The following CERKL variants were observed in gnomAD, a reference collection of about 807,000 sequenced individuals.
CERKL encodes ceramide kinase-like protein.
Under a neutral mutation model 63.4 loss-of-function variants are expected in CERKL, and 61 were observed. That is an observed-to-expected ratio of 0.96 (90% CI 0.78 to 1.19). The LOEUF (loss-of-function observed/expected upper bound fraction) is 1.19, where lower values mean the gene tolerates loss of function less well. CERKL is among the 50% of genes most tolerant of loss of function. CERKL has a pLI of 0.00. For synonymous variants in CERKL, 250 were observed against 230.5 expected (o/e 1.08, Z -0.77); for missense variants, 675 against 655.5 (o/e 1.03, Z -0.33).
intron 10 of CERKL, among the ~76,000 whole-genome samples, 160 bp downstream of exon 10, chr2:181,547,458 T>C (rs1687775968): frequency 6.6e-6 from 1 of 152,188 alleles, no homozygotes; most frequent in African/African-American, 2.4e-5. Context: ...AGTTCAACAG[T>C]TGTTCTCAAC....
At chr2:181,607,573 G>A (rs1050550921) in intron 1 of CERKL, among the ~76,000 whole-genome samples, 2 of 152,198 alleles carry the variant, frequency 1.3e-5, no homozygotes, top group African/African-American at 4.8e-5. Flanking sequence ...TATATGCAAA[G>A]GAAACCAAAC....
chr2:181,600,100 A>C (rs1685395062), intron 2 of CERKL, among the ~76,000 whole-genome samples: 1 of 152,206 alleles, frequency 6.6e-6, no homozygotes, highest in South Asian at 2.1e-4. Context: ...ATAATCTGCC[A>C]AATTAAGCTT....
At chr2:181,555,976 C>T (rs1298301082) in intron 5 of CERKL, among the ~76,000 whole-genome samples, 1 of 151,966 alleles carries the variant, frequency 6.6e-6, no homozygotes, top group Non-Finnish European at 1.5e-5. Flanking sequence ...TGGTCTTCAA[C>T]TCCTGACCTC....
At chr2:181,630,949 C>A (rs934202010) in intron 1 of CERKL, among the ~76,000 whole-genome samples, 3 of 152,140 alleles carry the variant, frequency 2.0e-5, no homozygotes, top group African/African-American at 7.2e-5. Context: ...AATGTGGGCA[C>A]TGAAGAATAT....
In CERKL at chr2:181,656,755, GGCCGGGCACTCACCC is replaced by G. The variant is rs746128841; in HGVS notation, c.237_238+13del. The G allele has an allele frequency of 5.7e-6, 9 of 1,581,346 alleles. No individual in the cohort carries two copies. Among genetic ancestry groups the G allele is most frequent in the South Asian group, 4.6e-5 (4 of 87,758 alleles). ...CGCGGAGGGAGGCGAAGACGCTTGG[GGCCGGGCACTCACCC>G]GCCGGGCGCTCGGGCTGAATGGGCC... On this transcript the variant is annotated splice_donor_variant and splice_donor_5th_base_variant and coding_sequence_variant and intron_variant, in exon 1 of 13. Coordinates refer to ENST00000410087, the MANE Select transcript of CERKL (RefSeq NM_201548.5). LOFTEE classifies it high-confidence loss of function.
chr2:181,651,491 A>T (rs1687936061), intron 1 of CERKL, among the ~76,000 whole-genome samples: 1 of 152,230 alleles, frequency 6.6e-6, no homozygotes, highest in African/African-American at 2.4e-5. Context: ...TTAAAAACCC[A>T]ACAAATTAGG....
chr2:181,640,688 A>G (rs1687381822), intron 1 of CERKL, among the ~76,000 whole-genome samples: 1 of 152,170 alleles, frequency 6.6e-6, no homozygotes, highest in Admixed American at 6.5e-5. Context: ...TGCATACCCA[A>G]TTGCTCTGTT....
At position 181,575,247 on chromosome 2, in the gene CERKL, C is replaced by CTCAT. The variant is rs563092075; in HGVS notation, c.482-1367_482-1364dup. On this transcript the variant is annotated intron_variant, in intron 2 of 12. Transcript: ENST00000410087. Reference sequence around the variant, plus strand: ...CTGCACAGTTCAAAGGCGGCTATGGCTCATTGCTGCCTGAAGAGCGAGCCC... The same window carrying CTCAT: ...CTGCACAGTTCAAAGGCGGCTATGGCTCATTCATTGCTGCCTGAAGAGCGAGCCC... 2.8e-4 allele frequency among the ~76,000 whole-genome samples: 42 copies of CTCAT among 152,336 alleles called. No homozygotes were observed. The South Asian group carries it at 3.9e-3, about 14-fold the overall frequency.
intron 1 of CERKL, among the ~76,000 whole-genome samples, chr2:181,632,397 C>T (rs371619660): frequency 2.6e-5 from 4 of 152,238 alleles, no homozygotes; most frequent in South Asian, 2.1e-4. Flanking sequence ...AAGGGAGAAA[C>T]GCAATGTTCC....
chr2:181,543,142 T>A (rs1441105712), intron 11 of CERKL, among the ~76,000 whole-genome samples: 2 of 152,200 alleles, frequency 1.3e-5, no homozygotes, highest in Non-Finnish European at 2.9e-5. Flanking sequence ...TCGGAAAAAA[T>A]TCTACCAAGG....
intron 2 of CERKL, among the ~76,000 whole-genome samples, chr2:181,602,141 G>C (rs1463282655): frequency 1.3e-5 from 2 of 152,146 alleles, no homozygotes; most frequent in East Asian, 3.9e-4. Flanking sequence ...ATTGAGCTTT[G>C]TTGTGATGTC....
Position 181,656,662 on chromosome 2 carries a change from G to A in CERKL, c.238+107C>T, listed in dbSNP as rs893002833. The A allele has an allele frequency of 3.0e-5, 29 of 966,030 alleles. No individual in the cohort carries two copies. In the Admixed American group the frequency reaches 7.0e-4, roughly 23 times the overall value. The allele number at this position is 966,030 out of a possible 1,614,324, so 59.8% of individuals were successfully genotyped here. On this transcript the variant is annotated intron_variant, in intron 1 of 12. Transcript: ENST00000410087. ...CAGTGAGGCGAGCACGGGGAGGGGA[G>A]GCGAGAAAAGGGGAGGGTGGAGCAA...
chr2:181,592,734 A>G (rs1685039854), intron 2 of CERKL, among the ~76,000 whole-genome samples: 1 of 152,138 alleles, frequency 6.6e-6, no homozygotes, highest in Non-Finnish European at 1.5e-5. Flanking sequence ...CAATTTCACA[A>G]CTTTATAGCT....
Position 181,550,381 on chromosome 2 carries a change from C to T in CERKL, c.821-673G>A, listed in dbSNP as rs1348585637. Among the ~76,000 whole-genome samples the T allele has an allele frequency of 2.6e-5, 4 of 152,118 alleles. No individual in the cohort carries two copies. The highest frequency in any genetic ancestry group is 5.9e-5 in the Non-Finnish European group (4 of 68,012). On this transcript the variant is annotated intron_variant, in intron 5 of 12. Coordinates refer to ENST00000410087, the MANE Select transcript of CERKL (RefSeq NM_201548.5). The surrounding 1 kb of genome is among the most constrained non-coding windows in gnomAD (Gnocchi z 4.5). ...ACACACCTGGATTTTCCCCACCAGTCCACAGAGGCAAAGAGCGCCCTAAGT... is the reference window on the plus strand; with the variant it reads ...ACACACCTGGATTTTCCCCACCAGTTCACAGAGGCAAAGAGCGCCCTAAGT...
At chr2:181,605,255 T>C (rs1685630291) in intron 1 of CERKL, among the ~76,000 whole-genome samples, 1 of 152,246 alleles carries the variant, frequency 6.6e-6, no homozygotes, top group South Asian at 2.1e-4. Flanking sequence ...TAAGGAGAAC[T>C]GGGGGTTCAG....
At position 181,537,261 on chromosome 2, in the gene CERKL, C is replaced by CCTACTCAGAACTACTCAG. The variant is rs1302040100; in HGVS notation, c.*905_*922dup. On this transcript the variant is annotated 3_prime_UTR_variant, in exon 13 of 13. Transcript: ENST00000410087. ...TAAGGAAATTTACATTTGGTTCTTT[C>CCTACTCAGAACTACTCAG]CTACTCAGAACTACTCAGAAACAAC... The CCTACTCAGAACTACTCAG allele has an allele frequency of 8.8e-6, 4 of 453,824 alleles. No homozygotes were observed. In the East Asian group the frequency reaches 2.1e-4, roughly 24 times the overall value. The allele number at this position is 453,824 out of a possible 1,614,324, so 28.1% of individuals were successfully genotyped here.
chr2:181,547,915 A>ACACAC, intron 8 of CERKL, 68 bp from the exon 9 acceptor site: 23 of 1,422,558 alleles, frequency 1.6e-5, no homozygotes, highest in South Asian at 2.3e-5. Flanking sequence ...AGACACACAC[A>ACACAC]AATCTATTAA....
intron 1 of CERKL, among the ~76,000 whole-genome samples, chr2:181,656,159 A>C (rs991087808): frequency 6.6e-6 from 1 of 152,198 alleles, no homozygotes; most frequent in African/African-American, 2.4e-5. Context: ...CCAATAATCT[A>C]GGGTCAATAT....
rs1559128471 is a variant in CERKL at position 181,656,763 on chromosome 2, A to ACT, written c.238+4_238+5dup. 6.3e-7 allele frequency: 1 copy of ACT among 1,585,698 alleles called. No individual in the cohort carries two copies. The highest frequency in any genetic ancestry group is 2.3e-5 in the East Asian group (1 of 43,470). The stretch of plus-strand genomic sequence containing the variant: ...GAGGCGAAGACGCTTGGGGCCGGGC[A>ACT]CTCACCCGCCGGGCGCTCGGGCTGA... On this transcript the variant is annotated splice_donor_region_variant and intron_variant, in intron 1 of 12. Coordinates refer to ENST00000410087, the MANE Select transcript of CERKL (RefSeq NM_201548.5).
Sources: allele counts gnomAD v4.1 joint callset (sites outside exome capture counted in the v4.1 genomes callset), GRCh38; gene constraint gnomAD v4.1.1; non-coding constraint Gnocchi (gnomAD v3.1); transcripts MANE v1.5; gene names NCBI Gene and HGNC (gene_info 2026-07-23, HGNC 2026-07-21).